The following PLCB4 variants were observed in gnomAD, a reference collection of about 807,000 sequenced individuals.
PLCB4 encodes the protein phospholipase C beta 4.
Under a neutral mutation model 178.8 loss-of-function variants are expected in PLCB4, and 77 were observed. The observed-to-expected ratio is 0.43, with a 90% CI of 0.36 to 0.52. The LOEUF is 0.52. Ranked by LOEUF, PLCB4 falls within the 20% of genes least tolerant of loss-of-function variation. The probability of loss-of-function intolerance (pLI) is 0.00; values close to 1 mark genes in which losing one functional copy is unlikely to be tolerated. For missense variants in PLCB4, 1,024 were observed against 1,453.4 expected (o/e 0.70, Z 4.80); for synonymous variants, 496 against 490.8 (o/e 1.01, Z -0.14).
chr20:9,302,743 T>C (rs2094720459), intron 3 of PLCB4, among the ~76,000 whole-genome samples: 1 of 152,154 alleles, frequency 6.6e-6, no homozygotes, highest in East Asian at 1.9e-4. Context: ...GATGAATATT[T>C]TAGTAGTTAA....
chr20:9,182,590 G>T (rs1368163269), intron 2 of PLCB4, among the ~76,000 whole-genome samples: 1 of 152,192 alleles, frequency 6.6e-6, no homozygotes, highest in Non-Finnish European at 1.5e-5. Context: ...GGCTGTAATA[G>T]CAAGTGACAG....
At chr20:9,298,781 A>T (rs1326870246) in intron 3 of PLCB4, among the ~76,000 whole-genome samples, 3 of 152,084 alleles carry the variant, frequency 2.0e-5, no homozygotes, top group Admixed American at 2.0e-4. Flanking sequence ...CCCCTCAATT[A>T]TGATTAATAT....
chr20:9,220,157 C>T (rs146290736), intron 3 of PLCB4, among the ~76,000 whole-genome samples: 1 of 152,286 alleles, frequency 6.6e-6, no homozygotes, highest in Non-Finnish European at 1.5e-5. Context: ...TTTAGATTGG[C>T]TCTTGCTGAA....
chr20:9,132,108 A>G (rs2092286803), intron 2 of PLCB4, among the ~76,000 whole-genome samples: 1 of 152,142 alleles, frequency 6.6e-6, no homozygotes, highest in Non-Finnish European at 1.5e-5. Context: ...TGTTGTTTTA[A>G]ATTACTAAGT....
At chr20:9,251,233 G>T (rs2147483409) in intron 3 of PLCB4, among the ~76,000 whole-genome samples, 1 of 152,292 alleles carries the variant, frequency 6.6e-6, no homozygotes, top group East Asian at 1.9e-4. Flanking sequence ...GAATACCTAA[G>T]TCATTTTGTT....
At chr20:9,427,794 G>T (rs2041128194) in intron 28 of PLCB4, among the ~76,000 whole-genome samples, 1 of 152,140 alleles carries the variant, frequency 6.6e-6, no homozygotes, top group African/African-American at 2.4e-5. Context: ...ATAGGGAGGG[G>T]AGCAAATAAG....
chr20:9,420,988 T>C (rs544754349), intron 26 of PLCB4, among the ~76,000 whole-genome samples: 1 of 152,202 alleles, frequency 6.6e-6, no homozygotes. Context: ...ATTTCATAGG[T>C]GTAGACACTT....
intron 3 of PLCB4, among the ~76,000 whole-genome samples, chr20:9,264,738 T>C (rs2094332119): frequency 6.6e-6 from 1 of 152,218 alleles, no homozygotes; most frequent in South Asian, 2.1e-4. Flanking sequence ...GAGCTGCATA[T>C]TGGAATCACC....
In PLCB4 at chr20:9,382,360, C is replaced by A. The variant is rs530662678; in HGVS notation, c.854-1841C>A. 5.9e-5 allele frequency among the ~76,000 whole-genome samples: 9 copies of A among 152,292 alleles called. No individual in the cohort carries two copies. In the South Asian group the frequency reaches 1.9e-3, roughly 32 times the overall value. ...GGTCCACACAGCAGCCAGAGTAAAC[C>A]TTTTAAAACCAAATCTAATCATGTT... is the stretch of plus-strand genomic sequence containing the variant. On this transcript the variant is annotated intron_variant, in intron 13 of 39. Transcript: ENST00000378473.
chr20:9,352,415 G>A (rs565912833), intron 7 of PLCB4, among the ~76,000 whole-genome samples: 2 of 152,236 alleles, frequency 1.3e-5, no homozygotes, highest in African/African-American at 4.8e-5. Context: ...ATTGCTACAG[G>A]GTATCTATTA....
intron 2 of PLCB4, among the ~76,000 whole-genome samples, chr20:9,100,405 G>T (rs773407280): frequency 1.3e-5 from 2 of 152,110 alleles, no homozygotes; most frequent in African/African-American, 2.4e-5. Flanking sequence ...ACAGGGTCTT[G>T]CTCTGTTGCC....
At chr20:9,167,260 G>A (rs1344185735) in intron 2 of PLCB4, among the ~76,000 whole-genome samples, 1 of 151,340 alleles carries the variant, frequency 6.6e-6, no homozygotes, top group Non-Finnish European at 1.5e-5. Context: ...TAAGAAATGA[G>A]GTCTATTAAA....
intron 3 of PLCB4, among the ~76,000 whole-genome samples, chr20:9,218,979 A>C (rs571319604): frequency 9.2e-5 from 14 of 152,272 alleles, no homozygotes; most frequent in African/African-American, 3.4e-4. Context: ...GAGTTGTATT[A>C]TCCTTAAATA....
chr20:9,125,611 G>T (rs2146778432), intron 2 of PLCB4, among the ~76,000 whole-genome samples: 1 of 152,092 alleles, frequency 6.6e-6, no homozygotes, highest in Admixed American at 6.5e-5. Flanking sequence ...ATGAATAAGG[G>T]CTTATATCTT....
rs2094789023 is a variant in PLCB4, at chr20:9,307,844, G to A, written c.30G>A (p.Gln10=). ...CCAAACCTTATGAATTTAACTGGCA[G>A]AAGGAAGTTCCCTCCTTTTTGCAAG... The part of the protein sequence containing the change: MAKPYEFNW[Q]KEVPSFLQEG... The change falls in exon 4 of 40, where the codon CAG becomes CAA. Residue 10 remains glutamine (Q), a synonymous_variant. Coordinates refer to ENST00000378473, the MANE Select transcript of PLCB4 (RefSeq NM_001377142.1). 6.2e-7 allele frequency: 1 copy of A among 1,602,064 alleles called. No individual in the cohort carries two copies. Among genetic ancestry groups the A allele is most frequent in the East Asian group, 2.2e-5 (1 of 44,648 alleles).
intron 2 of PLCB4, among the ~76,000 whole-genome samples, chr20:9,175,974 C>G (rs2093148006): frequency 6.6e-6 from 1 of 152,130 alleles, no homozygotes; most frequent in East Asian, 1.9e-4. Flanking sequence ...TAGGACCTTT[C>G]TGGCACCCCA....
chr20:9,264,264 T>C (rs1351306178), intron 3 of PLCB4, among the ~76,000 whole-genome samples: 1 of 152,212 alleles, frequency 6.6e-6, no homozygotes, highest in Non-Finnish European at 1.5e-5. Context: ...TTTTCTCTTT[T>C]ATACTCCCTA....
At chr20:9,405,619 A>G (rs2039381299) in intron 21 of PLCB4, among the ~76,000 whole-genome samples, 1 of 152,240 alleles carries the variant, frequency 6.6e-6, no homozygotes, top group South Asian at 2.1e-4. Flanking sequence ...AGGTCATCAA[A>G]TCCATATTAT....
At chr20:9,364,081 C>T (rs2035574903) in intron 8 of PLCB4, among the ~76,000 whole-genome samples, 1 of 152,094 alleles carries the variant, frequency 6.6e-6, no homozygotes, top group Admixed American at 6.5e-5. Flanking sequence ...TTATGGTATC[C>T]CTCCAATTTT....
Sources: allele counts gnomAD v4.1 joint callset (sites outside exome capture counted in the v4.1 genomes callset), GRCh38; gene constraint gnomAD v4.1.1; transcripts MANE v1.5; gene names NCBI Gene and HGNC (gene_info 2026-07-23, HGNC 2026-07-21).